Variants in GCNT2 observed in about 807,000 individuals in gnomAD.
The protein encoded by GCNT2 is N-acetyllactosaminide beta-1,6-N-acetylglucosaminyl-transferase.
A neutral mutation model predicts 34.2 loss-of-function variants in GCNT2; 34 were observed. That is an observed-to-expected ratio of 1.00 (90% CI 0.76 to 1.32). The LOEUF (loss-of-function observed/expected upper bound fraction) is 1.32. Ranked by LOEUF, GCNT2 falls within the 40% of genes most tolerant of loss-of-function variation. GCNT2 has a pLI of 0.00. For synonymous variants in GCNT2, 212 were observed against 188.0 expected (o/e 1.13, Z -1.04); for missense variants, 584 against 489.4 (o/e 1.19, Z -1.82).
intron 3 of GCNT2, among the ~76,000 whole-genome samples, chr6:10,544,903 C>T (rs974773911): frequency 1.1e-4 from 17 of 151,700 alleles, no homozygotes; most frequent in African/African-American, 4.1e-4. Context: ...TGAGATTGTG[C>T]CACTGCACCC....
chr6:10,563,765 A>AT (rs1763134343), intron 3 of GCNT2, among the ~76,000 whole-genome samples: 1 of 63,582 alleles, frequency 1.6e-5, no homozygotes, highest in Non-Finnish European at 3.0e-5. Context: ...AGAAAAAAAA[A>AT]AAAAAAAAAA....
At chr6:10,614,777 C>T (rs1765695383) in intron 3 of GCNT2, among the ~76,000 whole-genome samples, 1 of 152,110 alleles carries the variant, frequency 6.6e-6, no homozygotes. Flanking sequence ...AAAACCTAAA[C>T]GGTCCTCCCC....
At chr6:10,549,681 C>T (rs1199569429) in intron 3 of GCNT2, among the ~76,000 whole-genome samples, 1 of 150,114 alleles carries the variant, frequency 6.7e-6, no homozygotes, top group East Asian at 2.0e-4. Context: ...AAGCAATTCT[C>T]CTGCCTCAGT....
chr6:10,579,826 C>CAAAAAAAAAAA, intron 3 of GCNT2, among the ~76,000 whole-genome samples: 240 of 89,422 alleles, frequency 2.7e-3, no homozygotes, highest in East Asian at 4.9e-3. Flanking sequence ...AAAAAACAAA[C>CAAAAAAAAAAA]AAAAAAAAAA....
At chr6:10,578,108 T>A (rs1312705477) in intron 3 of GCNT2, among the ~76,000 whole-genome samples, 3 of 151,974 alleles carry the variant, frequency 2.0e-5, no homozygotes, top group Non-Finnish European at 4.4e-5. Context: ...TAGATGAAAC[T>A]GGCCAGGCGC....
chr6:10,563,777 A>ATATATATAT (rs1338202375), intron 3 of GCNT2, among the ~76,000 whole-genome samples: 4 of 24,710 alleles, frequency 1.6e-4, no homozygotes, highest in East Asian at 1.8e-3. Flanking sequence ...AAAAAAAAAA[A>ATATATATAT]ATATATATAT....
intron 3 of GCNT2, among the ~76,000 whole-genome samples, chr6:10,575,489 G>A (rs1219661320): frequency 6.6e-6 from 1 of 151,478 alleles, no homozygotes; most frequent in African/African-American, 2.4e-5. Flanking sequence ...AGCCTCCCAA[G>A]TAGCTAGGAT....
chr6:10,608,228 C>A (rs1765408746), intron 3 of GCNT2, among the ~76,000 whole-genome samples: 1 of 152,020 alleles, frequency 6.6e-6, no homozygotes, highest in South Asian at 2.1e-4. Context: ...CAGGCATGCG[C>A]CACTACGCCT....
At chr6:10,574,206 G>A (rs1030059411) in intron 3 of GCNT2, among the ~76,000 whole-genome samples, 1 of 152,096 alleles carries the variant, frequency 6.6e-6, no homozygotes, top group African/African-American at 2.4e-5. Context: ...TGACTGCCCT[G>A]GCATATCTCG....
At chr6:10,573,363 T>A in intron 3 of GCNT2, 1 of 919,692 alleles carries the variant, frequency 1.1e-6, no homozygotes, top group Non-Finnish European at 1.3e-6. Context: ...GTTGTTGTTA[T>A]CTTTGCTTGG....
intron 3 of GCNT2, among the ~76,000 whole-genome samples, chr6:10,539,730 C>G (rs1236157025): frequency 2.0e-5 from 3 of 151,530 alleles, no homozygotes; most frequent in Admixed American, 2.0e-4. Context: ...GCAACTAAAA[C>G]AAAAAACAAA....
At chr6:10,606,422 A>G (rs528211151) in intron 3 of GCNT2, among the ~76,000 whole-genome samples, 2 of 152,314 alleles carry the variant, frequency 1.3e-5, no homozygotes, top group South Asian at 4.1e-4. Context: ...CTGCAAAGTC[A>G]TACTGAACAA....
intron 3 of GCNT2, among the ~76,000 whole-genome samples, chr6:10,565,061 A>G (rs1304441694): frequency 6.6e-6 from 1 of 152,222 alleles, no homozygotes; most frequent in Non-Finnish European, 1.5e-5. Flanking sequence ...AGAGTGAGCC[A>G]GCCACGCACT....
intron 3 of GCNT2, among the ~76,000 whole-genome samples, chr6:10,589,032 C>T (rs111161387): frequency 0.012 from 1,027 of 87,382 alleles, 14 homozygotes; most frequent in Non-Finnish European, 0.012. Flanking sequence ...GGTGTATGTG[C>T]GTGGTATGTG....
rs201612274 is a variant in GCNT2, at chr6:10,529,053, G to A, written c.142G>A (p.Ala48Thr). The change falls in exon 3 of 5, where the codon GCC (alanine) becomes ACC (threonine). Residue 48 changes from alanine to threonine, a missense_variant. Transcript: ENST00000495262. ...ALSNASLLAE[A>T]CHQIFEGKVF... ...GTCCAATGCTTCACTGTTAGCAGAAGCCTGTCATCAGATTTTTGAGGGGAA... is the reference window on the plus strand; with the variant it reads ...GTCCAATGCTTCACTGTTAGCAGAAACCTGTCATCAGATTTTTGAGGGGAA... 72 of 1,614,146 alleles carry A rather than the reference G, an allele frequency of 4.5e-5. No individual in the cohort carries two copies. The East Asian group carries it at 1.6e-3, about 35-fold the overall frequency.
chr6:10,547,399 A>G (rs1172586926), intron 3 of GCNT2, among the ~76,000 whole-genome samples: 4 of 152,170 alleles, frequency 2.6e-5, no homozygotes, highest in Admixed American at 2.0e-4. Context: ...TGGCCATCAT[A>G]TCTCTTTAGT....
intron 3 of GCNT2, among the ~76,000 whole-genome samples, chr6:10,590,847 C>T (rs182326139): frequency 5.9e-5 from 9 of 152,296 alleles, no homozygotes; most frequent in East Asian, 5.8e-4. Flanking sequence ...CCACCGCGCC[C>T]GGCCTAATTT....
At position 10,540,037 on chromosome 6, in the gene GCNT2, C is replaced by T. The variant is rs79615348; in HGVS notation, c.925+10201C>T. ...GGGCTACAGTGAGGGGTGGTCGTGA[C>T]ATTGCACTCCAGTCTTGGTGACAGA... On this transcript the variant is annotated intron_variant, in intron 3 of 4. Coordinates refer to ENST00000495262, the MANE Select transcript of GCNT2 (RefSeq NM_145649.5). Among the ~76,000 whole-genome samples the T allele has an allele frequency of 9.8e-3, 1,482 of 150,742 alleles. 22 individuals carry two copies. The highest frequency in any genetic ancestry group is 0.034 in the African/African-American group (1,404 of 41,042).
At chr6:10,620,217 A>G (rs1242754075) in intron 3 of GCNT2, among the ~76,000 whole-genome samples, 1 of 152,178 alleles carries the variant, frequency 6.6e-6, no homozygotes, top group African/African-American at 2.4e-5. Flanking sequence ...AATATATCTT[A>G]TCAGTAATTA....
Sources: gnomAD v4.1 joint callset for allele counts (sites outside exome capture counted in the v4.1 genomes callset) on GRCh38, gnomAD v4.1.1 for gene constraint, MANE v1.5 for transcripts, NCBI Gene and HGNC (gene_info 2026-07-23, HGNC 2026-07-21) for gene names.